Variants in SNX30 observed in about 807,000 individuals in gnomAD.
SNX30 encodes sorting nexin-30.
In SNX30, 24 loss-of-function variants were observed where a neutral mutation model predicts 46.4. The observed-to-expected ratio is 0.52, with a 90% CI of 0.37 to 0.73. The LOEUF (loss-of-function observed/expected upper bound fraction) is 0.73. Ranked by LOEUF, SNX30 falls within the 30% of genes least tolerant of loss-of-function variation. The pLI is 0.00. For missense variants in SNX30, 533 were observed against 555.7 expected, an observed-to-expected ratio of 0.96 and a Z score of 0.41; for synonymous variants, 189 against 211.5, an observed-to-expected ratio of 0.89 and a Z score of 0.92.
intron 1 of SNX30, among the ~76,000 whole-genome samples, chr9:112,768,285 G>A (rs1395756430): frequency 6.6e-6 from 1 of 152,110 alleles, no homozygotes; most frequent in Non-Finnish European, 1.5e-5. Context: ...TCCTCCTCTC[G>A]ATGTTTCCAG....
intron 3 of SNX30, among the ~76,000 whole-genome samples, chr9:112,821,924 G>A (rs993193199): frequency 6.6e-6 from 1 of 151,996 alleles, no homozygotes; most frequent in African/African-American, 2.4e-5. Context: ...CCTCAGGTAT[G>A]TGTCACCATG....
chr9:112,870,063 G>C lies in SNX30; in HGVS notation c.*1220G>C, dbSNP rs908890805. 1 of 152,164 alleles carries C rather than the reference G, an allele frequency of 6.6e-6. No homozygotes were observed. The highest frequency in any genetic ancestry group is 2.4e-5 in the African/African-American group (1 of 41,438). 9.4% of individuals were successfully genotyped at this position (152,164 alleles called of 1,614,324 possible). A position where few individuals can be genotyped will look rare whatever the true frequency, so the allele number is the denominator to read the frequency against. ...CTAAAGTCTCCTCAGTGTGCAGCCA[G>C]ATTCCTGGGGACTGCTGAGTGTGGT... is the stretch of plus-strand genomic sequence containing the variant. On this transcript the variant is annotated 3_prime_UTR_variant, in exon 9 of 9. Coordinates refer to ENST00000374232, the MANE Select transcript of SNX30 (RefSeq NM_001012994.2).
intron 1 of SNX30, among the ~76,000 whole-genome samples, chr9:112,786,955 CT>C (rs1165307421): frequency 1.3e-5 from 2 of 152,094 alleles, no homozygotes; most frequent in African/African-American, 2.4e-5. Flanking sequence ...GGTTCAGGGC[CT>C]TTTTCTTTTC....
At chr9:112,795,785 A>ACACACACACACG (rs1564272323) in intron 1 of SNX30, among the ~76,000 whole-genome samples, 2 of 151,898 alleles carry the variant, frequency 1.3e-5, no homozygotes, top group South Asian at 2.1e-4. Flanking sequence ...ACACACACAC[A>ACACACACACACG]CACACACACA....
At position 112,868,693 on chromosome 9, in the gene SNX30, C is replaced by T. The variant is rs375138424; in HGVS notation, c.1255-91C>T. The T allele has an allele frequency of 1.9e-5, 25 of 1,351,162 alleles. No individual in the cohort carries two copies. The African/African-American group carries it at 2.2e-4, about 12-fold the overall frequency. 83.7% of individuals were successfully genotyped at this position (1,351,162 alleles called of 1,614,324 possible). On this transcript the variant is annotated intron_variant, in intron 8 of 8. Coordinates refer to ENST00000374232, the MANE Select transcript of SNX30 (RefSeq NM_001012994.2). ...TTAGACAAAGGTAACCCAGCAGGAT[C>T]GACAACGAAAGGGTAGGTCAGAGCA...
intron 1 of SNX30, among the ~76,000 whole-genome samples, chr9:112,757,929 A>G (rs1419076382): frequency 2.0e-5 from 3 of 152,156 alleles, no homozygotes; most frequent in Non-Finnish European, 4.4e-5. Context: ...TTTCAGCCAC[A>G]GCTGGGGCTT....
At chr9:112,878,597 C>T (rs1196139861), downstream of SNX30, 1 of 152,304 alleles carries the variant, frequency 6.6e-6, no homozygotes, top group Non-Finnish European at 1.5e-5. Flanking sequence ...TGACTCAGTG[C>T]AAGGGTGCTG....
chr9:112,882,688 G>T (rs1841595632), downstream of SNX30, among the ~76,000 whole-genome samples: 1 of 152,104 alleles, frequency 6.6e-6, no homozygotes, highest in African/African-American at 2.4e-5. Context: ...TTGATTGGAG[G>T]TGGGGGGAGA....
chr9:112,765,755 C>A (rs1485629030), intron 1 of SNX30, among the ~76,000 whole-genome samples: 2 of 152,182 alleles, frequency 1.3e-5, no homozygotes, highest in African/African-American at 4.8e-5. Context: ...CTAAACATAT[C>A]CATCACCTCA....
chr9:112,849,832 A>G (rs1403441382), intron 6 of SNX30, among the ~76,000 whole-genome samples: 1 of 152,224 alleles, frequency 6.6e-6, no homozygotes, highest in African/African-American at 2.4e-5. Flanking sequence ...GGGAAAGTGC[A>G]TGATTAGAAA....
chr9:112,764,373 C>T (rs544951962), intron 1 of SNX30, among the ~76,000 whole-genome samples: 3 of 152,126 alleles, frequency 2.0e-5, no homozygotes, highest in African/African-American at 4.8e-5. Flanking sequence ...TGTTTGTCGT[C>T]GTTGTTGTTG....
intron 1 of SNX30, among the ~76,000 whole-genome samples, chr9:112,796,417 G>A (rs1840107937): frequency 1.3e-5 from 2 of 152,166 alleles, no homozygotes; most frequent in East Asian, 3.9e-4. Context: ...CCCAGACACT[G>A]GGGTGTGGAC....
At chr9:112,780,826 G>A (rs988215415) in intron 1 of SNX30, among the ~76,000 whole-genome samples, 7 of 152,146 alleles carry the variant, frequency 4.6e-5, no homozygotes, top group Admixed American at 1.3e-4. Flanking sequence ...AAAAGCACTT[G>A]GGTCATTGAA....
chr9:112,860,609 G>A (rs1841210322), intron 7 of SNX30, among the ~76,000 whole-genome samples: 1 of 152,200 alleles, frequency 6.6e-6, no homozygotes, highest in African/African-American at 2.4e-5. Flanking sequence ...TGGTGTTAGA[G>A]CCACAACCCC....
intron 3 of SNX30, among the ~76,000 whole-genome samples, chr9:112,827,624 C>CT (rs1413005849): frequency 6.6e-6 from 1 of 152,048 alleles, no homozygotes; most frequent in Non-Finnish European, 1.5e-5. Flanking sequence ...TAGTATTCCA[C>CT]TTTTTTGGGT....
chr9:112,789,522 A>G (rs1448955144), intron 1 of SNX30, among the ~76,000 whole-genome samples: 1 of 152,234 alleles, frequency 6.6e-6, no homozygotes, highest in African/African-American at 2.4e-5. Flanking sequence ...TTTGTTTGGT[A>G]GCACTGCATT....
At chr9:112,812,252 T>C (rs1289066302) in intron 2 of SNX30, among the ~76,000 whole-genome samples, 2 of 152,052 alleles carry the variant, frequency 1.3e-5, no homozygotes, top group Non-Finnish European at 2.9e-5. Flanking sequence ...CAAGCATCCA[T>C]TTATTTATTT....
intron 7 of SNX30, among the ~76,000 whole-genome samples, chr9:112,857,755 C>T (rs1564293857): frequency 6.7e-6 from 1 of 149,942 alleles, no homozygotes; most frequent in East Asian, 2.0e-4. Context: ...AGCTCAGTAA[C>T]GCATGCATGC....
intron 7 of SNX30, among the ~76,000 whole-genome samples, chr9:112,862,694 G>C (rs1841256984): frequency 6.6e-6 from 1 of 151,948 alleles, no homozygotes; most frequent in Non-Finnish European, 1.5e-5. Context: ...TGGAGGCCAG[G>C]AGTTCGAGAC....
Sources: allele counts gnomAD v4.1 joint callset (sites outside exome capture counted in the v4.1 genomes callset), GRCh38; gene constraint gnomAD v4.1.1; transcripts MANE v1.5; gene names NCBI Gene and HGNC (gene_info 2026-07-23, HGNC 2026-07-21).